Variants in RUFY2 observed in about 807,000 individuals in gnomAD.
The protein encoded by RUFY2 is RUN and FYVE domain-containing protein 2.
Under a neutral mutation model 94.4 loss-of-function variants are expected in RUFY2, and 49 were observed. That is an observed-to-expected ratio of 0.52 (90% CI 0.41 to 0.66). RUFY2 has a LOEUF of 0.66. Ranked by LOEUF, RUFY2 falls within the 30% of genes least tolerant of loss-of-function variation. The pLI is 0.00. For missense variants in RUFY2, 541 were observed against 692.8 expected (o/e 0.78, Z 2.46); for synonymous variants, 255 against 235.7 (o/e 1.08, Z -0.75).
intron 15 of RUFY2, among the ~76,000 whole-genome samples, chr10:68,360,628 G>A (rs1438757574): frequency 6.6e-6 from 1 of 151,984 alleles, no homozygotes; most frequent in Non-Finnish European, 1.5e-5. Flanking sequence ...GGCACCTGTA[G>A]TCCCAGCTAC....
rs1260302549 is a variant in RUFY2, at chr10:68,384,146, T to C, written c.727A>G (p.Ile243Val). The C allele has an allele frequency of 1.2e-6, 2 of 1,606,704 alleles. No individual in the cohort carries two copies. The highest frequency in any genetic ancestry group is 2.2e-5 in the East Asian group (1 of 44,814). ...AGTTTAATGATGTTATTCTTTGCTA[T>C]TGCTAACTAAAAATTAAGAAACGGG... ...SNTKLIEELAIAKNNIIKLQE... is the reference protein window; with the variant it reads ...SNTKLIEELAVAKNNIIKLQE... Residue 243 changes from isoleucine to valine, a missense_variant, in exon 9 of 18, where the codon ATA (isoleucine) becomes GTA (valine). Physicochemically the swap from Ile to Val is conservative, Grantham distance 29. Coordinates refer to ENST00000602465, the MANE Select transcript of RUFY2 (RefSeq NM_001330103.2).
intron 3 of RUFY2, among the ~76,000 whole-genome samples, chr10:68,401,159 A>G (rs2050815605): frequency 6.6e-6 from 1 of 152,230 alleles, no homozygotes; most frequent in African/African-American, 2.4e-5. Flanking sequence ...TGGTGACATT[A>G]TAGGTACCAA....
chr10:68,403,311 G>A (rs1163176908), intron 2 of RUFY2, among the ~76,000 whole-genome samples: 3 of 151,788 alleles, frequency 2.0e-5, no homozygotes, highest in African/African-American at 7.3e-5. Context: ...GAATGCAGTG[G>A]CACGATCTCA....
chr10:68,352,627 T>C (rs1201139390), intron 16 of RUFY2, among the ~76,000 whole-genome samples: 1 of 152,184 alleles, frequency 6.6e-6, no homozygotes, highest in African/African-American at 2.4e-5. Context: ...TACAACTAAT[T>C]TGTTTTTAAA....
chr10:68,358,748 T>C (rs990384699), intron 15 of RUFY2, among the ~76,000 whole-genome samples: 2 of 151,916 alleles, frequency 1.3e-5, no homozygotes, highest in Non-Finnish European at 2.9e-5. Context: ...CTGTCTCTAC[T>C]AAAAATACAA....
At chr10:68,356,939 C>A (rs181438637) in intron 15 of RUFY2, among the ~76,000 whole-genome samples, 1 of 151,608 alleles carries the variant, frequency 6.6e-6, no homozygotes, top group African/African-American at 2.4e-5. Context: ...GTGAGCAGAC[C>A]GCCTGAGGTC....
intron 13 of RUFY2, among the ~76,000 whole-genome samples, chr10:68,368,096 G>C (rs544111560): frequency 8.4e-4 from 128 of 151,574 alleles, no homozygotes; most frequent in African/African-American, 3.0e-3. Context: ...CTTCTGAGTA[G>C]CTGGGATTAC....
At chr10:68,341,808 T>C, downstream of RUFY2, 1 of 1,611,124 alleles carries the variant, frequency 6.2e-7, no homozygotes, top group Non-Finnish European at 8.5e-7. Context: ...TGGGGAACAA[T>C]TACAGTGGAG....
rs1203390579 is a variant in RUFY2, at chr10:68,376,440, G to GTATATA, written c.1325+412_1325+413insTATATA. Among the ~76,000 whole-genome samples, 55 of 48,256 alleles carry GTATATA rather than the reference G, an allele frequency of 1.1e-3. 3 individuals are homozygous for GTATATA. Among genetic ancestry groups the GTATATA allele is most frequent in the East Asian group, 3.9e-3 (4 of 1,022 alleles). 31.7% of individuals were successfully genotyped at this position (48,256 alleles called of 152,430 possible). ...GTGAAACTTCATCTCAAAAAAATGT[G>GTATATA]TGTATATATATATATATATATATAT... On this transcript the variant is annotated intron_variant, in intron 13 of 17. Coordinates refer to ENST00000602465, the MANE Select transcript of RUFY2 (RefSeq NM_001330103.2).
intron 16 of RUFY2, among the ~76,000 whole-genome samples, chr10:68,351,372 G>A (rs570460033): frequency 6.6e-6 from 1 of 150,914 alleles, no homozygotes; most frequent in South Asian, 2.1e-4. Flanking sequence ...TCCTGACCTT[G>A]TGATCCACCC....
chr10:68,386,543 T>C (rs1053991625), intron 7 of RUFY2, among the ~76,000 whole-genome samples: 5 of 152,066 alleles, frequency 3.3e-5, no homozygotes, highest in African/African-American at 1.2e-4. Flanking sequence ...AGAGACGGGG[T>C]TACACCATGT....
intron 7 of RUFY2, among the ~76,000 whole-genome samples, chr10:68,391,232 G>C (rs1003524420): frequency 6.6e-6 from 1 of 152,050 alleles, no homozygotes; most frequent in Non-Finnish European, 1.5e-5. Flanking sequence ...CATCGTGCCT[G>C]TACCCTAATT....
chr10:68,399,861 A>G (rs2050680446), intron 3 of RUFY2, among the ~76,000 whole-genome samples: 1 of 152,124 alleles, frequency 6.6e-6, no homozygotes, highest in Non-Finnish European at 1.5e-5. Context: ...AGCTCACTGC[A>G]ACCTCTGCCT....
At chr10:68,404,074 T>C (rs2051080571) in intron 2 of RUFY2, among the ~76,000 whole-genome samples, 2 of 152,184 alleles carry the variant, frequency 1.3e-5, no homozygotes, top group South Asian at 4.1e-4. Context: ...AGGCCAAAAC[T>C]GTGAACAGTT....
At chr10:68,357,755 G>A (rs545597994) in intron 15 of RUFY2, among the ~76,000 whole-genome samples, 8 of 152,098 alleles carry the variant, frequency 5.3e-5, no homozygotes, top group Admixed American at 2.0e-4. Flanking sequence ...GCTTGTTACC[G>A]AGTATCTGCC....
chr10:68,346,466 A>G (rs2046281738), intron 16 of RUFY2: 1 of 172,818 alleles, frequency 5.8e-6, no homozygotes. Context: ...ACTGCACATG[A>G]TAAATATTGA....
At chr10:68,341,513 T>G (rs2045938508), downstream of RUFY2, 1 of 1,149,016 alleles carries the variant, frequency 8.7e-7, no homozygotes, top group African/African-American at 1.6e-5. Flanking sequence ...TGATCTTTTT[T>G]ACAAAGCTTG....
At chr10:68,366,815 T>G (rs1162203086) in intron 13 of RUFY2, among the ~76,000 whole-genome samples, 1 of 140,290 alleles carries the variant, frequency 7.1e-6, no homozygotes, top group Non-Finnish European at 1.5e-5. Context: ...TAATATAATG[T>G]TATATGGTAT....
chr10:68,399,930 T>C lies in RUFY2; in HGVS notation c.296+1690A>G, dbSNP rs193285496. Among the ~76,000 whole-genome samples, 292 of 150,658 alleles carry C rather than the reference T, an allele frequency of 1.9e-3. 1 individual carries two copies. The highest frequency in any genetic ancestry group is 6.8e-3 in the African/African-American group (281 of 41,040). ...CCAAGTAGCTGGGATTACAGGCATG[T>C]GCCACCACACCGGCTAATTTTGTAT... On this transcript the variant is annotated intron_variant, in intron 3 of 17. Coordinates refer to ENST00000602465, the MANE Select transcript of RUFY2 (RefSeq NM_001330103.2).
Sources: allele counts gnomAD v4.1 joint callset (sites outside exome capture counted in the v4.1 genomes callset), GRCh38; gene constraint gnomAD v4.1.1; transcripts MANE v1.5; gene names NCBI Gene and HGNC (gene_info 2026-07-23, HGNC 2026-07-21).